ANGPTL1: variants seen among roughly 807,000 people sequenced by gnomAD.
ANGPTL1 encodes angiopoietin-related protein 1.
In ANGPTL1, 36 loss-of-function variants were observed where a neutral mutation model predicts 46.7. That is an observed-to-expected ratio of 0.77 (90% CI 0.59 to 1.02). The LOEUF is 1.02. ANGPTL1 is among the 50% of genes least tolerant of loss of function. The pLI is 0.00. For synonymous variants in ANGPTL1, 221 were observed against 204.3 expected, an observed-to-expected ratio of 1.08 and a Z score of -0.69; for missense variants, 571 against 594.7, an observed-to-expected ratio of 0.96 and a Z score of 0.41.
At chr1:178,864,827 A>G (rs1360332584) in intron 3 of ANGPTL1, 127 bp downstream of exon 3, 5 of 556,084 alleles carry the variant, frequency 9.0e-6, no homozygotes, top group Non-Finnish European at 5.4e-6. Flanking sequence ...TTAATAAAAA[A>G]CAATAGAAAT....
Position 178,852,759 on chromosome 1 carries a change from T to A in ANGPTL1, c.1212A>T (p.Gly404=), listed in dbSNP as rs1348421741. The A allele has an allele frequency of 6.2e-7, 1 of 1,613,850 alleles. No individual in the cohort carries two copies. The highest frequency in any genetic ancestry group is 8.5e-7 in the Non-Finnish European group (1 of 1,179,882). The part of the protein sequence containing the change: ...FYRLRLGTYQ[G]NAGDSMMWHN... ...GCCACATCATAGAATCCCCTGCATT[T>A]CCCTGGTAAGTTCCCAGGCGCAGTC... Residue 404 remains glycine (G), a synonymous_variant, in exon 5 of 6, where the codon GGA becomes GGT. Transcript: ENST00000234816.
At chr1:178,862,347 C>G (rs1012515422) in intron 3 of ANGPTL1, among the ~76,000 whole-genome samples, 1 of 152,036 alleles carries the variant, frequency 6.6e-6, no homozygotes, top group Non-Finnish European at 1.5e-5. Context: ...GTCACCAAAT[C>G]AACTAACACA....
chr1:178,865,817 A>G lies in ANGPTL1; in HGVS notation c.-26-15T>C, dbSNP rs747161818. 5.5e-6 allele frequency: 8 copies of G among 1,461,326 alleles called. No homozygotes were observed. The African/African-American group carries it at 5.7e-5, about 10-fold the overall frequency. 90.5% of individuals were successfully genotyped at this position (1,461,326 alleles called of 1,614,324 possible). A position where few individuals can be genotyped will look rare whatever the true frequency, so the allele number is the denominator to read the frequency against. ...TAAAATGATGTCTTTTGAAAAACAA[A>G]TCAGTGAAGGAGAAAAAGCAAAAAG... On this transcript the variant is annotated splice_polypyrimidine_tract_variant and intron_variant, in intron 2 of 5. Transcript: ENST00000234816.
chr1:178,860,036 G>A (rs549223910), intron 3 of ANGPTL1, among the ~76,000 whole-genome samples: 1 of 152,048 alleles, frequency 6.6e-6, no homozygotes, highest in African/African-American at 2.4e-5. Context: ...TTACAAAAGA[G>A]GCAACTGGAC....
chr1:178,864,815 TA>T (rs1382091001), intron 3 of ANGPTL1, 138 bp downstream of exon 3: 35 of 501,942 alleles, frequency 7.0e-5, no homozygotes, highest in Non-Finnish European at 4.7e-5. Context: ...CAATTCTTGA[TA>T]TTAATAAAAA....
In ANGPTL1 at chr1:178,869,145, T is replaced by C. The variant is rs2102346719; in HGVS notation, c.-58A>G. The stretch of plus-strand genomic sequence containing the variant: ...ATTTAAGTCTTTACTTAGTTGTTTT[T>C]AGAAGAGAAAAAAAAGTCTTCTATG... On this transcript the variant is annotated 5_prime_UTR_variant, in exon 2 of 6. It removes the in-frame stop codon of an upstream open reading frame in the 5' UTR. Transcript: ENST00000234816. 6.6e-6 allele frequency: 1 copy of C among 152,180 alleles called. No homozygotes were observed. The highest frequency in any genetic ancestry group is 1.9e-4 in the East Asian group (1 of 5,188). 9.4% of individuals were successfully genotyped at this position (152,180 alleles called of 1,614,324 possible).
In ANGPTL1 at chr1:178,849,871, T is replaced by C. The variant is rs2102287090; in HGVS notation, c.*1258A>G. ...CCTCACACATTTCAATTCGAGGTTT[T>C]CTTTTTGCTTAAGCAAAAGTTTCAT... On this transcript the variant is annotated 3_prime_UTR_variant, in exon 6 of 6. Coordinates refer to ENST00000234816, the MANE Select transcript of ANGPTL1 (RefSeq NM_004673.4). The C allele has an allele frequency of 6.6e-6, 1 of 152,262 alleles. No homozygotes were observed. The highest frequency in any genetic ancestry group is 1.9e-4 in the East Asian group (1 of 5,208). 9.4% of individuals were successfully genotyped at this position (152,262 alleles called of 1,614,324 possible). A position where few individuals can be genotyped will look rare whatever the true frequency, so the allele number is the denominator to read the frequency against.
At chr1:178,852,410 G>A (rs1418064092) in intron 5 of ANGPTL1, among the ~76,000 whole-genome samples, 1 of 152,164 alleles carries the variant, frequency 6.6e-6, no homozygotes, top group Admixed American at 6.5e-5. Context: ...GTTATGAATT[G>A]TAGGCACTTG....
At chr1:178,856,248 GT>G (rs1240093156) in intron 3 of ANGPTL1, among the ~76,000 whole-genome samples, 3 of 127,702 alleles carry the variant, frequency 2.3e-5, no homozygotes, top group African/African-American at 1.0e-4. Context: ...TTTGGGTTTT[GT>G]TTTTTTTGGA....
Position 178,856,202 on chromosome 1 carries a change from G to GATATATATATATATATATATATATATAT in ANGPTL1, c.824-2443_824-2416dup, listed in dbSNP as rs55797277. ...ACCTGTACTTTTCCAGAGAGAGAGAGATATATATATATATATATATATATA... is the reference window on the plus strand; with the variant it reads ...ACCTGTACTTTTCCAGAGAGAGAGAGATATATATATATATATATATATATATATATATATATATATATATATATATATA... On this transcript the variant is annotated intron_variant, in intron 3 of 5. Coordinates refer to ENST00000234816, the MANE Select transcript of ANGPTL1 (RefSeq NM_004673.4). 7.2e-5 allele frequency among the ~76,000 whole-genome samples: 6 copies of GATATATATATATATATATATATATATAT among 83,890 alleles called. 1 individual carries two copies. The highest frequency in any genetic ancestry group is 3.9e-4 in the African/African-American group (6 of 15,580). 55.0% of individuals were successfully genotyped at this position (83,890 alleles called of 152,430 possible). A position where few individuals can be genotyped will look rare whatever the true frequency, so the allele number is the denominator to read the frequency against.
chr1:178,866,289 G>A (rs1290142528), intron 2 of ANGPTL1, among the ~76,000 whole-genome samples: 1 of 152,132 alleles, frequency 6.6e-6, no homozygotes, highest in Non-Finnish European at 1.5e-5. Flanking sequence ...TTCATACCAT[G>A]CAATTCCAAT....
In ANGPTL1 at chr1:178,864,980, A is replaced by G. The variant is rs749569542; in HGVS notation, c.797T>C (p.Ile266Thr). 2.0e-6 allele frequency: 3 copies of G among 1,463,776 alleles called. No individual in the cohort carries two copies. The highest frequency in any genetic ancestry group is 2.7e-6 in the Non-Finnish European group (3 of 1,107,434). The allele number at this position is 1,463,776 out of a possible 1,614,324, so 90.7% of individuals were successfully genotyped here. Residue 266 changes from isoleucine (I) to threonine (T), a missense_variant, in exon 3 of 6, where the codon ATA becomes ACA. Coordinates refer to ENST00000234816, the MANE Select transcript of ANGPTL1 (RefSeq NM_004673.4). ...ATSPTKSPFK[I>T]PPVTFINEGP... Reference sequence around the variant, plus strand: ...TTCATTGATGAAAGTTACCGGTGGTATCTTGAAAGGGCTTTTGGTGGGAGA... The same window carrying G: ...TTCATTGATGAAAGTTACCGGTGGTGTCTTGAAAGGGCTTTTGGTGGGAGA...
At chr1:178,858,276 T>C (rs930688383) in intron 3 of ANGPTL1, among the ~76,000 whole-genome samples, 4 of 152,160 alleles carry the variant, frequency 2.6e-5, no homozygotes, top group African/African-American at 7.2e-5. Context: ...GAAAATCTTA[T>C]TTACTTTCTG....
intron 5 of ANGPTL1, 68 bp downstream of exon 5, chr1:178,852,615 A>G (rs1344259715): frequency 2.0e-5 from 30 of 1,500,754 alleles, no homozygotes; most frequent in South Asian, 3.9e-5. Flanking sequence ...TAGCATATAT[A>G]TTAGTAGATT....
chr1:178,865,099 G>A lies in ANGPTL1; in HGVS notation c.678C>T (p.Ser226=). The A allele has an allele frequency of 6.4e-7, 1 of 1,565,130 alleles. No homozygotes were observed. The highest frequency in any genetic ancestry group is 1.2e-5 in the South Asian group (1 of 81,406). Residue 226 remains serine (S), a synonymous_variant, in exon 3 of 6, where the codon AGC becomes AGT. Transcript: ENST00000234816. ...CCAGCAGACCAGGAGTATACTGTTG[G>A]CTGTTAGGAATATGTTGTGGCACCA... ...VQVVPQHIPN[S]QQYTPGLLGG...
chr1:178,852,732 A>C lies in ANGPTL1; in HGVS notation c.1239T>G (p.His413Gln), dbSNP rs775471958. 2 of 1,613,886 alleles carry C rather than the reference A, an allele frequency of 1.2e-6. No individual in the cohort carries two copies. Among genetic ancestry groups the C allele is most frequent in the South Asian group, 2.2e-5 (2 of 91,070 alleles). The change falls in exon 5 of 6, where the codon CAT (histidine) becomes CAG (glutamine). Residue 413 changes from histidine to glutamine, a missense_variant. By Grantham distance (24) the His-to-Gln change is conservative. Coordinates refer to ENST00000234816, the MANE Select transcript of ANGPTL1 (RefSeq NM_004673.4). Reference sequence around the variant, plus strand: ...CCAGTGTGGTGAATTGTTTACCATTATGCCACATCATAGAATCCCCTGCAT... The same window carrying C: ...CCAGTGTGGTGAATTGTTTACCATTCTGCCACATCATAGAATCCCCTGCAT... ...QGNAGDSMMWHNGKQFTTLDR... is the reference protein window; with the variant it reads ...QGNAGDSMMWQNGKQFTTLDR...
intron 2 of ANGPTL1, among the ~76,000 whole-genome samples, chr1:178,868,511 G>A (rs1003805519): frequency 6.6e-6 from 1 of 151,788 alleles, no homozygotes; most frequent in Admixed American, 6.6e-5. Context: ...AAAACAAATA[G>A]AATTTTATGA....
At chr1:178,864,656 G>A (rs886932293) in intron 3 of ANGPTL1, among the ~76,000 whole-genome samples, 2 of 152,100 alleles carry the variant, frequency 1.3e-5, no homozygotes, top group Admixed American at 6.5e-5. Flanking sequence ...GGAGTGGTTC[G>A]GAGTGGAGCA....
chr1:178,869,061 A>G lies in ANGPTL1; in HGVS notation c.-27+53T>C, dbSNP rs549321549. On this transcript the variant is annotated intron_variant, in intron 2 of 5. Transcript: ENST00000234816. ...CCTCATAAAACTTTCTGTATATGTTAAAATTTTCCTAGGCCCCAAGAGAAT... is the reference window on the plus strand; with the variant it reads ...CCTCATAAAACTTTCTGTATATGTTGAAATTTTCCTAGGCCCCAAGAGAAT... 7 of 152,222 alleles carry G rather than the reference A, an allele frequency of 4.6e-5. No individual in the cohort carries two copies. In the South Asian group the frequency reaches 1.2e-3, roughly 27 times the overall value. The allele number at this position is 152,222 out of a possible 1,614,324, so 9.4% of individuals were successfully genotyped here. A position where few individuals can be genotyped will look rare whatever the true frequency, so the allele number is the denominator to read the frequency against.
Sources: gnomAD v4.1 joint callset for allele counts (sites outside exome capture counted in the v4.1 genomes callset) on GRCh38, gnomAD v4.1.1 for gene constraint, MANE v1.5 for transcripts, NCBI Gene and HGNC (gene_info 2026-07-23, HGNC 2026-07-21) for gene names.